TPO: variants seen among roughly 807,000 people sequenced by gnomAD.
The protein encoded by TPO is thyroid peroxidase, also known as thyroid microsomal antigen.
In TPO, 78 loss-of-function variants were observed where a neutral mutation model predicts 96.9. The ratio of observed to expected loss-of-function variants is 0.81; its 90% CI spans 0.67 to 0.97. The LOEUF is 0.97. Ranked by LOEUF, TPO falls within the 50% of genes least tolerant of loss-of-function variation. The probability of loss-of-function intolerance (pLI) is 0.00; values close to 1 mark genes in which losing one functional copy is unlikely to be tolerated. For synonymous variants in TPO, 547 were observed against 538.0 expected, an observed-to-expected ratio of 1.02 and a Z score of -0.23; for missense variants, 1,252 against 1,274.8, an observed-to-expected ratio of 0.98 and a Z score of 0.27.
At chr2:1,378,882 C>G (rs1661762706) in intron 1 of TPO, among the ~76,000 whole-genome samples, 1 of 150,698 alleles carries the variant, frequency 6.6e-6, no homozygotes, top group South Asian at 2.1e-4. Context: ...TCTGGGGAAA[C>G]TAGGCGGAAG....
rs1371250150 is a variant in TPO, at chr2:1,537,339, C to G, written c.2619-3255C>G. 2.5e-5 allele frequency among the ~76,000 whole-genome samples: 3 copies of G among 119,462 alleles called. No homozygotes were observed. The South Asian group carries it at 9.4e-4, about 37-fold the overall frequency. 78.4% of individuals were successfully genotyped at this position (119,462 alleles called of 152,430 possible). A position where few individuals can be genotyped will look rare whatever the true frequency, so the allele number is the denominator to read the frequency against. On this transcript the variant is annotated intron_variant, in intron 15 of 16. Coordinates refer to ENST00000329066, the MANE Select transcript of TPO (RefSeq NM_001206744.2). The stretch of plus-strand genomic sequence containing the variant: ...CTACTCTGTCCAACCTCCCCAAATC[C>G]TCCACTCTGTTCGACCTCCGCCTAT...
intron 1 of TPO, among the ~76,000 whole-genome samples, chr2:1,380,223 T>C (rs1661787296): frequency 6.6e-6 from 1 of 151,866 alleles, no homozygotes; most frequent in African/African-American, 2.4e-5. Context: ...TGAAACCCCG[T>C]CTCTACTAAA....
chr2:1,426,954 T>A (rs561045279), intron 3 of TPO, among the ~76,000 whole-genome samples: 1 of 152,006 alleles, frequency 6.6e-6, no homozygotes, highest in African/African-American at 2.4e-5. Context: ...TTTTGGAAAG[T>A]GATAGGAAAG....
chr2:1,394,053 A>G (rs115816786), intron 1 of TPO, among the ~76,000 whole-genome samples: 1,669 of 152,302 alleles, frequency 0.011, 41 homozygotes, highest in African/African-American at 0.038. Flanking sequence ...ACAATTTTCA[A>G]TACTTCCAAA....
At chr2:1,518,806 C>A (rs1475175557) in intron 15 of TPO, among the ~76,000 whole-genome samples, 2 of 152,228 alleles carry the variant, frequency 1.3e-5, no homozygotes, top group Admixed American at 1.3e-4. Flanking sequence ...TCATCTGACT[C>A]AGGTGCTTGC....
At chr2:1,535,525 T>TC (rs67657023) in intron 15 of TPO, among the ~76,000 whole-genome samples, 52,756 of 53,176 alleles carry the variant, frequency 0.99, 26,173 homozygotes, top group Middle Eastern at 1. Context: ...CCTCCCCAAA[T>TC]CCCCGTGTGC....
chr2:1,511,998 C>T (rs961216308), intron 14 of TPO, among the ~76,000 whole-genome samples: 5 of 152,120 alleles, frequency 3.3e-5, no homozygotes, highest in African/African-American at 9.7e-5. Context: ...TAGTTTTTGT[C>T]CTGAGAACAA....
intron 13 of TPO, among the ~76,000 whole-genome samples, chr2:1,501,790 G>T (rs188411851): frequency 6.6e-6 from 1 of 152,044 alleles, no homozygotes; most frequent in Non-Finnish European, 1.5e-5. Context: ...GACGCCCCCC[G>T]ACTCCCGAGA....
At chr2:1,487,234 G>C (rs1344877313) in intron 9 of TPO, among the ~76,000 whole-genome samples, 1 of 150,766 alleles carries the variant, frequency 6.6e-6, no homozygotes, top group Admixed American at 6.6e-5. Flanking sequence ...TTCTGTTGCT[G>C]AGAAATAAAA....
In TPO at chr2:1,397,707, C is replaced by A. The variant is rs1207091678; in HGVS notation, n.180+23305C>A. 2.0e-5 allele frequency among the ~76,000 whole-genome samples: 3 copies of A among 152,176 alleles called. No individual in the cohort carries two copies. In the South Asian group the frequency reaches 6.2e-4, roughly 31 times the overall value. ...GCTCTCCCAGCCTCCAAGCCTCCCACCCCCGGGTCCTGATGCAGGGGAAGG... is the reference window on the plus strand; with the variant it reads ...GCTCTCCCAGCCTCCAAGCCTCCCAACCCCGGGTCCTGATGCAGGGGAAGG... On this transcript the variant is annotated intron_variant and non_coding_transcript_variant, in intron 1 of 5. Coordinates refer to the TPO transcript ENST00000497517.
rs397732736 is a variant in TPO at position 1,500,298 on chromosome 2, C to CT, written c.2386+3541dup. ...ATTGCTAACCTTCATCAATACAACT[C>CT]TTTTTTTTGTTTGTTTTATCATATC... On this transcript the variant is annotated intron_variant, in intron 13 of 16. Coordinates refer to ENST00000329066, the MANE Select transcript of TPO (RefSeq NM_001206744.2). Among the ~76,000 whole-genome samples the CT allele has an allele frequency of 4.4e-3, 664 of 152,130 alleles. 3 individuals are homozygous for CT. The highest frequency in any genetic ancestry group is 0.015 in the African/African-American group (616 of 41,494).
chr2:1,477,687 C>T (rs1670115332), intron 8 of TPO, 83 bp downstream of exon 8: 2 of 1,395,206 alleles, frequency 1.4e-6, no homozygotes, highest in African/African-American at 1.5e-5. Flanking sequence ...ATCGTGGCTT[C>T]TCTCTCCCAG....
intron 5 of TPO, 122 bp from the exon 6 acceptor site, chr2:1,453,572 C>A: frequency 6.7e-7 from 1 of 1,497,048 alleles, no homozygotes; most frequent in Non-Finnish European, 9.3e-7. Flanking sequence ...GGGAGCTGTG[C>A]CCCTTGGGCC....
At chr2:1,438,903 G>A (rs545448755) in intron 5 of TPO, 150 of 711,338 alleles carry the variant, frequency 2.1e-4, no homozygotes, top group South Asian at 9.5e-4. Context: ...CAAATAATGC[G>A]AAACTGAAGC....
chr2:1,378,646 G>T (rs1248179173), intron 1 of TPO, among the ~76,000 whole-genome samples: 1 of 152,202 alleles, frequency 6.6e-6, no homozygotes, highest in Non-Finnish European at 1.5e-5. Context: ...CTGCGACTCC[G>T]TGCTGCTCTC....
At chr2:1,461,128 C>A (rs1012215549) in intron 7 of TPO, among the ~76,000 whole-genome samples, 9 of 152,100 alleles carry the variant, frequency 5.9e-5, no homozygotes, top group African/African-American at 1.7e-4. Context: ...AAAGCCCAGC[C>A]CTTCAGGGCC....
At chr2:1,397,396 C>A (rs1183719912) in intron 1 of TPO, among the ~76,000 whole-genome samples, 1 of 152,176 alleles carries the variant, frequency 6.6e-6, no homozygotes, top group Non-Finnish European at 1.5e-5. Flanking sequence ...CCTGAGTGCC[C>A]TGAGTGCCTG....
intron 14 of TPO, among the ~76,000 whole-genome samples, chr2:1,509,586 ATCC>A (rs1318760061): frequency 6.9e-6 from 1 of 145,266 alleles, no homozygotes; most frequent in Non-Finnish European, 1.5e-5. Flanking sequence ...GGGATACCCC[ATCC>A]TCTTGTTTCA....
At chr2:1,537,524 T>C (rs60418979) in intron 15 of TPO, among the ~76,000 whole-genome samples, 1 of 15,310 alleles carries the variant, frequency 6.5e-5, no homozygotes, top group African/African-American at 3.1e-4. Context: ...CTGTGCAACC[T>C]CCGCCTATCC....
Sources: gnomAD v4.1 joint callset for allele counts (sites outside exome capture counted in the v4.1 genomes callset) on GRCh38, gnomAD v4.1.1 for gene constraint, MANE v1.5 for transcripts, NCBI Gene and HGNC (gene_info 2026-07-23, HGNC 2026-07-21) for gene names.